The following SRCAP variants were observed in gnomAD, a reference collection of about 807,000 sequenced individuals.
The protein encoded by SRCAP is chromatin remodeling protein SRCAP.
SRCAP carries 46 observed loss-of-function variants against 263.1 expected under a neutral mutation model. The ratio of observed to expected loss-of-function variants is 0.17; its 90% CI spans 0.14 to 0.22. The LOEUF is 0.22. Ranked by LOEUF, SRCAP falls within the 10% of genes least tolerant of loss-of-function variation. The probability of loss-of-function intolerance (pLI) is 1.00; values close to 1 mark genes in which losing one functional copy is unlikely to be tolerated. For synonymous variants in SRCAP, 1,813 were observed against 1,662.1 expected (o/e 1.09, Z -2.21); for missense variants, 3,695 against 4,181.9 (o/e 0.88, Z 3.21).
chr16:30,716,982 C>G (rs1198396735), intron 18 of SRCAP, among the ~76,000 whole-genome samples: 1 of 152,190 alleles, frequency 6.6e-6, no homozygotes, highest in Non-Finnish European at 1.5e-5. Context: ...AGTGAAATTG[C>G]TGTAACATGG....
chr16:30,700,430 T>C (rs894655845), intron 2 of SRCAP, among the ~76,000 whole-genome samples, 186 bp from the exon 3 acceptor site: 2 of 152,204 alleles, frequency 1.3e-5, no homozygotes, highest in South Asian at 2.1e-4. Flanking sequence ...TTAAGGTAGG[T>C]GTGAGGATTA....
rs144944402 is a variant in SRCAP, at chr16:30,738,891, C to A, written c.8851C>A (p.Pro2951Thr). ...CCCTAAAGCACGAGATTTGCCCATC[C>A]CTGGGACCATTTCCTCTGCAGGGGA... ...RPPKARDLPIPGTISSAGDGN... is the reference protein window; with the variant it reads ...RPPKARDLPITGTISSAGDGN... Residue 2951 changes from proline to threonine, a missense_variant, in exon 34 of 34, where the codon CCT becomes ACT. Pro to Thr is a conservative substitution (Grantham distance 38). This residue lies in a region of SRCAP where 1,207 missense variants were observed against 1,142.9 expected (regional missense o/e 1.06). Coordinates refer to ENST00000262518, the MANE Select transcript of SRCAP (RefSeq NM_006662.3). The A allele has an allele frequency of 6.2e-7, 1 of 1,614,012 alleles. No homozygotes were observed. The highest frequency in any genetic ancestry group is 1.3e-5 in the African/African-American group (1 of 74,906).
chr16:30,717,016 A>G (rs997066994), intron 18 of SRCAP, among the ~76,000 whole-genome samples: 9 of 152,210 alleles, frequency 5.9e-5, no homozygotes, highest in Non-Finnish European at 1.2e-4. Context: ...GCATGTTGGG[A>G]AAACCTCCAC....
chr16:30,715,104 C>T (rs1450895971), intron 16 of SRCAP, among the ~76,000 whole-genome samples: 2 of 152,148 alleles, frequency 1.3e-5, no homozygotes, highest in Non-Finnish European at 2.9e-5. Context: ...ACTAAAATTC[C>T]TTGACTTTCT....
In SRCAP at chr16:30,724,211, C is replaced by G. The variant is rs775952488; in HGVS notation, c.4787C>G (p.Ala1596Gly). ...GCTCCTATGGCGGCTCCACAGACAG[C>G]AATTCTGGCTCCTTCTCCAGCTCCT... The part of the protein sequence containing the change: ...PLAPMAAPQT[A>G]ILAPSPAPPL... The change falls in exon 25 of 34, where the codon GCA (alanine) becomes GGA (glycine). Residue 1596 changes from alanine to glycine, a missense_variant. Physicochemically the swap from Ala to Gly is moderately conservative, Grantham distance 60. This residue lies in a region of SRCAP where 1,347 missense variants were observed against 1,304.4 expected (regional missense o/e 1.03). Coordinates refer to ENST00000262518, the MANE Select transcript of SRCAP (RefSeq NM_006662.3). 1 of 1,614,118 alleles carries G rather than the reference C, an allele frequency of 6.2e-7. No homozygotes were observed. The highest frequency in any genetic ancestry group is 8.5e-7 in the Non-Finnish European group (1 of 1,180,012).
chr16:30,730,375 G>A lies in SRCAP; in HGVS notation c.6127+803G>A, dbSNP rs1469254351. ...AATGAGCCAATCTGAGAATAGTGGT[G>A]TGTAGCTGTTTCAGTAGCTTAACGA... is the stretch of plus-strand genomic sequence containing the variant. On this transcript the variant is annotated intron_variant, in intron 27 of 33. Transcript: ENST00000262518. 8.0e-5 allele frequency among the ~76,000 whole-genome samples: 10 copies of A among 124,456 alleles called. No individual in the cohort carries two copies. The Admixed American group carries it at 8.3e-4, about 10-fold the overall frequency. 81.6% of individuals were successfully genotyped at this position (124,456 alleles called of 152,430 possible).
rs776951108 is a variant in SRCAP, at chr16:30,712,019, A to T, written c.1677A>T (p.Glu559Asp). The change falls in exon 12 of 34, where the codon GAA becomes GAT. Residue 559 changes from glutamate (E) to aspartate (D), a missense_variant. Coordinates refer to ENST00000262518, the MANE Select transcript of SRCAP (RefSeq NM_006662.3). ...TGGAGTACTTGCTTGCCAGGGATGA[A>T]GAGCAGAGTGAGGCAGATGCAGGCA... ...FGVEYLLARD[E>D]EQSEADAGSG... 1.9e-6 allele frequency: 3 copies of T among 1,613,934 alleles called. No homozygotes were observed. In the African/African-American group the frequency reaches 4.0e-5, roughly 22 times the overall value.
At chr16:30,732,009 G>A (rs1477589764) in intron 27 of SRCAP, among the ~76,000 whole-genome samples, 1 of 151,722 alleles carries the variant, frequency 6.6e-6, no homozygotes, top group African/African-American at 2.4e-5. Flanking sequence ...GCCAGGCGTG[G>A]TGACATACGC....
At chr16:30,736,129 C>G (rs1013049787) in intron 31 of SRCAP, 71 bp from the exon 32 acceptor site, 1 of 1,583,406 alleles carries the variant, frequency 6.3e-7, no homozygotes, top group East Asian at 2.2e-5. Context: ...CAAGTTCTTG[C>G]CTGAATCAAA....
chr16:30,737,704 C>T lies in SRCAP; in HGVS notation c.7664C>T (p.Ala2555Val). 11 of 1,614,170 alleles carry T rather than the reference C, an allele frequency of 6.8e-6. No individual in the cohort carries two copies. Among genetic ancestry groups the T allele is most frequent in the Non-Finnish European group, 9.3e-6 (11 of 1,180,046 alleles). Residue 2555 changes from alanine (A) to valine (V), a missense_variant, in exon 34 of 34, where the codon GCC becomes GTC. Physicochemically the swap from Ala to Val is moderately conservative, Grantham distance 64 (BLOSUM62 0). Around this residue, in one of 12 missense-constraint regions of SRCAP, gnomAD observed 1,207 missense variants for 1,142.9 expected, o/e 1.06. Coordinates refer to ENST00000262518, the MANE Select transcript of SRCAP (RefSeq NM_006662.3). ...TTGAGGCCTGAGGCAGAGCTGTGTG[C>T]CCAGGCATTGGCATCTCCAGAGTCC... is the stretch of plus-strand genomic sequence containing the variant. ...LGLRPEAELC[A>V]QALASPESLE...
intron 25 of SRCAP, 198 bp downstream of exon 25, chr16:30,725,280 T>C (rs970205443): frequency 8.3e-7 from 1 of 1,201,896 alleles, no homozygotes; most frequent in Non-Finnish European, 1.1e-6. Context: ...CTCAGCCTCC[T>C]GAAGTGTTAG....
rs1385294472 is a variant in SRCAP, at chr16:30,738,910, C to T, written c.8870C>T (p.Ala2957Val). The T allele has an allele frequency of 1.1e-5, 17 of 1,614,154 alleles. No individual in the cohort carries two copies. The highest frequency in any genetic ancestry group is 1.4e-5 in the Non-Finnish European group (16 of 1,180,018). ...DLPIPGTISS[A>V]GDGNSESRTQ... ...CCCATCCCTGGGACCATTTCCTCTG[C>T]AGGGGATGGCAACTCCGAAAGTCGG... Residue 2957 changes from alanine (A) to valine (V), a missense_variant, in exon 34 of 34, where the codon GCA becomes GTA. Transcript: ENST00000262518.
At position 30,711,681 on chromosome 16, in the gene SRCAP, T is replaced by A. The variant is rs1596647170; in HGVS notation, c.1429T>A (p.Cys477Ser). The A allele has an allele frequency of 5.0e-6, 8 of 1,614,016 alleles. No homozygotes were observed. Among genetic ancestry groups the A allele is most frequent in the Non-Finnish European group, 6.8e-6 (8 of 1,179,988 alleles). Residue 477 changes from cysteine (C) to serine (S), a missense_variant, in exon 11 of 34, where the codon TGT (cysteine) becomes AGT (serine). Physicochemically the swap from Cys to Ser is moderately radical, Grantham distance 112. Coordinates refer to ENST00000262518, the MANE Select transcript of SRCAP (RefSeq NM_006662.3). ...TGAGGTTGATGCTAATAGCTCTGACTGTGAACCAGAGGGGCCCGTGGAAGC... is the reference window on the plus strand; with the variant it reads ...TGAGGTTGATGCTAATAGCTCTGACAGTGAACCAGAGGGGCCCGTGGAAGC... Reference protein sequence around the residue: ...EDEVDANSSDCEPEGPVEAEE... With the variant: ...EDEVDANSSDSEPEGPVEAEE...
In SRCAP at chr16:30,724,988, C is replaced by A; in HGVS notation, c.5564C>A (p.Ser1855Tyr). The A allele has an allele frequency of 6.2e-7, 1 of 1,614,234 alleles. No individual in the cohort carries two copies. Residue 1855 changes from serine to tyrosine, a missense_variant, in exon 25 of 34, where the codon TCT (serine) becomes TAT (tyrosine). Physicochemically the swap from Ser to Tyr is moderately radical, Grantham distance 144. Coordinates refer to ENST00000262518, the MANE Select transcript of SRCAP (RefSeq NM_006662.3). ...KDEPDTLTLR[S>Y]GPPSPPSTAT... ...GAGCCTGACACACTGACATTGCGCTCTGGTCCCCCCAGCCCTCCCTCCACT... is the reference window on the plus strand; with the variant it reads ...GAGCCTGACACACTGACATTGCGCTATGGTCCCCCCAGCCCTCCCTCCACT...
chr16:30,724,126 G>C lies in SRCAP; in HGVS notation c.4702G>C (p.Ala1568Pro), dbSNP rs140025139. ...TCCGTCAGCACCAAATCCAGCTCCAGCTCAGGCTTCCCTTCTGGCTCCAGC... is the reference window on the plus strand; with the variant it reads ...TCCGTCAGCACCAAATCCAGCTCCACCTCAGGCTTCCCTTCTGGCTCCAGC... The part of the protein sequence containing the change: ...PFPSAPNPAP[A>P]QASLLAPASS... The change falls in exon 25 of 34, where the codon GCT becomes CCT. Residue 1568 changes from alanine to proline, a missense_variant. This residue lies in a region of SRCAP where 1,347 missense variants were observed against 1,304.4 expected (regional missense o/e 1.03). Transcript: ENST00000262518. The C allele has an allele frequency of 2.5e-6, 4 of 1,613,788 alleles. No individual in the cohort carries two copies. In the African/African-American group the frequency reaches 5.3e-5, roughly 22 times the overall value.
Position 30,738,629 on chromosome 16 carries a change from C to G in SRCAP, c.8589C>G (p.Pro2863=), listed in dbSNP as rs113103193. ...PPAVKRRRGR[P]PKKNRSPADA... is the part of the protein sequence containing the mutation. ...CTGTGAAACGTCGGAGGGGGAGGCCCCCCAAGAAGAACAGGTCTCCAGCAG... is the reference window on the plus strand; with the variant it reads ...CTGTGAAACGTCGGAGGGGGAGGCCGCCCAAGAAGAACAGGTCTCCAGCAG... Residue 2863 remains proline, a synonymous_variant, in exon 34 of 34, where the codon CCC becomes CCG. Coordinates refer to ENST00000262518, the MANE Select transcript of SRCAP (RefSeq NM_006662.3). 93 of 1,606,396 alleles carry G rather than the reference C, an allele frequency of 5.8e-5. No individual in the cohort carries two copies. Among genetic ancestry groups the G allele is most frequent in the Middle Eastern group, 3.3e-4 (2 of 6,026 alleles).
At chr16:30,714,577 T>G (rs1359883734) in intron 16 of SRCAP, among the ~76,000 whole-genome samples, 1 of 140,750 alleles carries the variant, frequency 7.1e-6, no homozygotes. Context: ...TCTGGCTCAT[T>G]GCAACCTCCA....
At position 30,709,880 on chromosome 16, in the gene SRCAP, G is replaced by GA; in HGVS notation, c.888dup (p.Glu297ArgfsTer3). 1 of 1,614,228 alleles carries GA rather than the reference G, an allele frequency of 6.2e-7. No individual in the cohort carries two copies. Among genetic ancestry groups the GA allele is most frequent in the Non-Finnish European group, 8.5e-7 (1 of 1,180,034 alleles). ...GGACTTTCAACCCCAAGAGGATGAGGAAGAGGATGATGAGGAAACGATTGA... is the reference window on the plus strand; with the variant it reads ...GGACTTTCAACCCCAAGAGGATGAGGAAAGAGGATGATGAGGAAACGATTGA... On this transcript the variant is annotated frameshift_variant, in exon 8 of 34. Transcript: ENST00000262518. LOFTEE classifies it high-confidence loss of function.
At chr16:30,727,511 C>G (rs917227254) in intron 25 of SRCAP, among the ~76,000 whole-genome samples, 1 of 152,134 alleles carries the variant, frequency 6.6e-6, no homozygotes, top group Non-Finnish European at 1.5e-5. Flanking sequence ...CTCAGCCCTC[C>G]AAGTAGCTGG....
Sources: allele counts gnomAD v4.1 joint callset (sites outside exome capture counted in the v4.1 genomes callset), GRCh38; gene constraint gnomAD v4.1.1; regional missense constraint gnomAD v4.1.1; transcripts MANE v1.5; gene names NCBI Gene and HGNC (gene_info 2026-07-23, HGNC 2026-07-21).